The following STX8 variants were observed in gnomAD, a reference collection of about 807,000 sequenced individuals.
STX8 encodes the protein syntaxin 8.
STX8 carries 23 observed loss-of-function variants against 37.5 expected under a neutral mutation model. That is an observed-to-expected ratio of 0.61 (90% confidence interval 0.44 to 0.87). STX8 has a LOEUF of 0.87. Among genes scored for constraint, STX8 ranks in the 40% least tolerant of loss-of-function variants. The pLI is 0.00. For missense variants in STX8, 313 were observed against 284.7 expected (o/e 1.10, Z -0.71); for synonymous variants, 115 against 99.1 (o/e 1.16, Z -0.95).
chr17:9,382,206 G>T (rs1203580054), intron 6 of STX8, among the ~76,000 whole-genome samples: 1 of 151,218 alleles, frequency 6.6e-6, no homozygotes, highest in Non-Finnish European at 1.5e-5. Context: ...CATATGCCCT[G>T]CCAAGAGGTA....
rs973990369 is a variant in STX8 at position 9,364,736 on chromosome 17, G to A, written c.643+13816C>T. ...TTTAGTAGAGATGGGGTTCCACCAT[G>A]GTGGCCAGGCTGGTCTCAAACTCTT... On this transcript the variant is annotated intron_variant, in intron 7 of 7. Coordinates refer to ENST00000306357, the MANE Select transcript of STX8 (RefSeq NM_004853.3). Among the ~76,000 whole-genome samples the A allele has an allele frequency of 2.6e-5, 4 of 152,128 alleles. No individual in the cohort carries two copies. In the East Asian group the frequency reaches 7.7e-4, roughly 29 times the overall value.
chr17:9,344,586 CA>C (rs1209248965), intron 7 of STX8, among the ~76,000 whole-genome samples: 4 of 152,108 alleles, frequency 2.6e-5, no homozygotes, highest in Non-Finnish European at 2.9e-5. Context: ...TCCCATCACC[CA>C]GCCCTCCTCT....
At chr17:9,575,706 G>C in intron 1 of STX8, 86 bp downstream of exon 1, 2 of 1,492,644 alleles carry the variant, frequency 1.3e-6, no homozygotes, top group Non-Finnish European at 1.8e-6. Flanking sequence ...GGCCACCAGC[G>C]GCAATGCGAA....
chr17:9,434,948 G>A (rs752138153), intron 6 of STX8, among the ~76,000 whole-genome samples: 3 of 152,212 alleles, frequency 2.0e-5, no homozygotes, highest in Non-Finnish European at 4.4e-5. Context: ...ACTGCTGGGA[G>A]TGCCTTTATG....
rs1170489972 is a variant in STX8 at position 9,260,869 on chromosome 17, A to G, written c.644-10224T>C. Among the ~76,000 whole-genome samples the G allele has an allele frequency of 2.6e-5, 4 of 152,222 alleles. No homozygotes were observed. In the South Asian group the frequency reaches 6.2e-4, roughly 24 times the overall value. On this transcript the variant is annotated intron_variant, in intron 7 of 7. Transcript: ENST00000306357. ...GTGCCCAGCACCGGGCTGATGAGGC[A>G]CTGCTCTGCAGGAACACAGAAACGT...
intron 6 of STX8, among the ~76,000 whole-genome samples, chr17:9,381,076 A>G (rs1177721412): frequency 6.6e-6 from 1 of 152,142 alleles, no homozygotes; most frequent in Non-Finnish European, 1.5e-5. Context: ...TTTTCAGCCT[A>G]GGGGCAATAG....
At chr17:9,502,575 T>C (rs528159767) in intron 5 of STX8, among the ~76,000 whole-genome samples, 34 of 152,314 alleles carry the variant, frequency 2.2e-4, no homozygotes, top group African/African-American at 8.2e-4. Context: ...AATTAAAAAT[T>C]GTTTTAAATT....
At chr17:9,526,772 A>T (rs988744611) in intron 4 of STX8, among the ~76,000 whole-genome samples, 1 of 152,046 alleles carries the variant, frequency 6.6e-6, no homozygotes, top group Admixed American at 6.6e-5. Flanking sequence ...CGGGAGGCTG[A>T]GGCAGGAGAA....
chr17:9,545,423 C>G (rs527633828), intron 3 of STX8, 141 bp from the exon 4 acceptor site: 52 of 618,008 alleles, frequency 8.4e-5, no homozygotes, highest in African/African-American at 6.2e-4. Flanking sequence ...ACCACTCTTG[C>G]GTTTTTCCTG....
At chr17:9,513,838 T>TA (rs1476989742) in intron 4 of STX8, among the ~76,000 whole-genome samples, 1 of 152,108 alleles carries the variant, frequency 6.6e-6, no homozygotes, top group African/African-American at 2.4e-5. Flanking sequence ...AATTTAGCCA[T>TA]AAAAAAGAAT....
At chr17:9,283,695 T>C (rs1037341104) in intron 7 of STX8, among the ~76,000 whole-genome samples, 1 of 152,258 alleles carries the variant, frequency 6.6e-6, no homozygotes, top group Non-Finnish European at 1.5e-5. Context: ...TTGAACTGTA[T>C]GCATCTTTCA....
At chr17:9,362,807 C>T (rs1157118675) in intron 7 of STX8, among the ~76,000 whole-genome samples, 5 of 138,050 alleles carry the variant, frequency 3.6e-5, no homozygotes, top group South Asian at 2.3e-4. Context: ...GGAGCCTGGG[C>T]GACAGAGTGA....
intron 4 of STX8, among the ~76,000 whole-genome samples, chr17:9,538,063 A>C (rs1391389780): frequency 6.6e-6 from 1 of 152,114 alleles, no homozygotes; most frequent in Non-Finnish European, 1.5e-5. Context: ...GCTTTACCAC[A>C]TTTTTACTTC....
chr17:9,531,975 G>A (rs949441619), intron 4 of STX8, among the ~76,000 whole-genome samples: 2 of 152,004 alleles, frequency 1.3e-5, no homozygotes, highest in African/African-American at 4.8e-5. Flanking sequence ...TCTTTCACAT[G>A]GTAATGGCTG....
intron 7 of STX8, among the ~76,000 whole-genome samples, chr17:9,302,216 G>A (rs879623693): frequency 6.6e-6 from 1 of 152,082 alleles, no homozygotes; most frequent in Admixed American, 6.5e-5. Context: ...TTTATAAATA[G>A]TATTCTCTAA....
chr17:9,300,976 G>A (rs942607877), intron 7 of STX8, among the ~76,000 whole-genome samples: 3 of 151,736 alleles, frequency 2.0e-5, no homozygotes, highest in Middle Eastern at 3.2e-3. Context: ...GGGACTACAG[G>A]AGCCTGCCAC....
In STX8 at chr17:9,418,904, C is replaced by A. The variant is rs1398026602; in HGVS notation, c.542-40251G>T. On this transcript the variant is annotated intron_variant, in intron 6 of 7. Transcript: ENST00000306357. ...GAATGCTTTCATTTTTTGCCCACAC[C>A]CCCCCCTCTTTTTTTTTCTTTTTTT... Among the ~76,000 whole-genome samples, 75 of 45,038 alleles carry A rather than the reference C, an allele frequency of 1.7e-3. No homozygotes were observed. The East Asian group carries it at 0.019, about 11-fold the overall frequency. 29.5% of individuals were successfully genotyped at this position (45,038 alleles called of 152,430 possible). A position where few individuals can be genotyped will look rare whatever the true frequency, so the allele number is the denominator to read the frequency against.
At chr17:9,469,161 G>C (rs1051727338) in intron 6 of STX8, 1 of 152,150 alleles carries the variant, frequency 6.6e-6, no homozygotes, top group Non-Finnish European at 1.5e-5. Flanking sequence ...GTGGTCATTT[G>C]CGTGGTTCCA....
At chr17:9,341,708 AT>A (rs1188553837) in intron 7 of STX8, among the ~76,000 whole-genome samples, 1 of 152,170 alleles carries the variant, frequency 6.6e-6, no homozygotes, top group East Asian at 1.9e-4. Flanking sequence ...AAGTGCTGGG[AT>A]TACAGGCATG....
Sources: gnomAD v4.1 joint callset for allele counts (sites outside exome capture counted in the v4.1 genomes callset) on GRCh38, gnomAD v4.1.1 for gene constraint, MANE v1.5 for transcripts, NCBI Gene and HGNC (gene_info 2026-07-23, HGNC 2026-07-21) for gene names.